Variants in OSBPL2 observed in about 807,000 individuals in gnomAD.
OSBPL2 encodes the protein oxysterol binding protein like 2.
Under a neutral mutation model 58.4 loss-of-function variants are expected in OSBPL2, and 18 were observed. The ratio of observed to expected loss-of-function variants is 0.31; its 90% confidence interval spans 0.21 to 0.46. OSBPL2 has a LOEUF of 0.46. Among genes scored for constraint, OSBPL2 ranks in the 20% least tolerant of loss-of-function variants. OSBPL2 has a pLI of 1.00. For synonymous variants in OSBPL2, 221 were observed against 234.1 expected, an observed-to-expected ratio of 0.94 and a Z score of 0.51; for missense variants, 461 against 616.5, an observed-to-expected ratio of 0.75 and a Z score of 2.67.
At chr20:62,266,545 G>A (rs1245624553) in intron 4 of OSBPL2, among the ~76,000 whole-genome samples, 1 of 151,884 alleles carries the variant, frequency 6.6e-6, no homozygotes, top group African/African-American at 2.4e-5. Flanking sequence ...GCAGTGATTG[G>A]CTGTGGCTCG....
At chr20:62,258,734 A>G (rs1981101764) in intron 2 of OSBPL2, among the ~76,000 whole-genome samples, 1 of 151,286 alleles carries the variant, frequency 6.6e-6, no homozygotes, top group Non-Finnish European at 1.5e-5. Context: ...GCTGCCCGGG[A>G]TGTGCTGCTT....
chr20:62,278,097 T>G (rs1982502825), intron 6 of OSBPL2, among the ~76,000 whole-genome samples: 1 of 152,228 alleles, frequency 6.6e-6, no homozygotes, highest in South Asian at 2.1e-4. Flanking sequence ...GTGGCTCAGG[T>G]GGAGAGCAAG....
At position 62,281,783 on chromosome 20, in the gene OSBPL2, C is replaced by T. The variant is rs776124211; in HGVS notation, c.783-7C>T. Reference sequence around the variant, plus strand: ...GCAGCAGAAACCTGTGTTTGTTTTTCTCACAGAACTGGACATAAGTGTGTG... The same window carrying T: ...GCAGCAGAAACCTGTGTTTGTTTTTTTCACAGAACTGGACATAAGTGTGTG... On this transcript the variant is annotated splice_polypyrimidine_tract_variant and splice_region_variant and intron_variant, in intron 8 of 13. Coordinates refer to ENST00000313733, the MANE Select transcript of OSBPL2 (RefSeq NM_144498.4). 2 of 1,594,090 alleles carry T rather than the reference C, an allele frequency of 1.3e-6. No individual in the cohort carries two copies. The highest frequency in any genetic ancestry group is 1.1e-5 in the South Asian group (1 of 90,632).
At chr20:62,289,981 CAA>C (rs1431335005) in intron 12 of OSBPL2, among the ~76,000 whole-genome samples, 2 of 152,144 alleles carry the variant, frequency 1.3e-5, no homozygotes, top group African/African-American at 4.8e-5. Context: ...TTAAATTAAA[CAA>C]AAGTTAAGAT....
intron 1 of OSBPL2, among the ~76,000 whole-genome samples, chr20:62,239,473 AG>A (rs992246205): frequency 1.3e-5 from 2 of 152,052 alleles, no homozygotes; most frequent in Non-Finnish European, 2.9e-5. Context: ...TCCTGGGGTG[AG>A]GGTCACCTCC....
intron 1 of OSBPL2, among the ~76,000 whole-genome samples, chr20:62,253,702 A>T (rs1980724067): frequency 1.6e-5 from 2 of 122,292 alleles, no homozygotes; most frequent in Admixed American, 1.9e-4. Context: ...GGAGAGAGAG[A>T]GGAGAGAGGG....
chr20:62,289,464 C>G, intron 12 of OSBPL2, 134 bp downstream of exon 12: 1 of 1,070,496 alleles, frequency 9.3e-7, no homozygotes, highest in Non-Finnish European at 1.3e-6. Flanking sequence ...CCTAAACAAA[C>G]AGGCAGGCTG....
At chr20:62,244,594 A>G (rs7262649) in intron 1 of OSBPL2, among the ~76,000 whole-genome samples, 1,752 of 152,332 alleles carry the variant, frequency 0.012, 27 homozygotes, top group African/African-American at 0.041. Flanking sequence ...GCTTGCATTC[A>G]TCTTGTGTGT....
Position 62,288,686 on chromosome 20 carries a change from G to A in OSBPL2, c.1126-521G>A, listed in dbSNP as rs1983299759. The stretch of plus-strand genomic sequence containing the variant: ...ACGCCGAGCAGACAGCTGCGAGCCA[G>A]AAGTCAGGCAGAGCAAGGCTCTGGG... On this transcript the variant is annotated intron_variant, in intron 11 of 13. Transcript: ENST00000313733. The surrounding 1 kb of genome is among the most constrained non-coding windows in gnomAD (Gnocchi z 4.8). 6.6e-6 allele frequency among the ~76,000 whole-genome samples: 1 copy of A among 152,204 alleles called. No individual in the cohort carries two copies. Among genetic ancestry groups the A allele is most frequent in the African/African-American group, 2.4e-5 (1 of 41,446 alleles).
intron 12 of OSBPL2, among the ~76,000 whole-genome samples, chr20:62,290,436 A>G (rs372249750): frequency 0.043 from 748 of 17,512 alleles, 2 homozygotes; most frequent in Non-Finnish European, 0.067. Context: ...TTTTTTTTTG[A>G]GACGGAGTCT....
In OSBPL2 at chr20:62,268,530, CT is replaced by C. The variant is rs1981843518; in HGVS notation, c.259-3592del. On this transcript the variant is annotated intron_variant, in intron 4 of 13. Transcript: ENST00000313733. The stretch of plus-strand genomic sequence containing the variant: ...CCCACTTCTTTACATAAATGAGAGG[CT>C]TTCTCCACCTTTTAAAATTCAATAG... 5.3e-5 allele frequency among the ~76,000 whole-genome samples: 8 copies of C among 152,298 alleles called. No individual in the cohort carries two copies. The South Asian group carries it at 1.7e-3, about 32-fold the overall frequency.
chr20:62,279,055 T>G, intron 6 of OSBPL2, 102 bp from the exon 7 acceptor site: 1 of 994,090 alleles, frequency 1.0e-6, no homozygotes. Context: ...GGAGGGCCCC[T>G]GCTTCCCAGC....
At chr20:62,278,493 T>G (rs1032819548) in intron 6 of OSBPL2, 33 of 151,970 alleles carry the variant, frequency 2.2e-4, no homozygotes, top group African/African-American at 9.9e-4. Flanking sequence ...TTAGGCCAAG[T>G]GCGATGTCAT....
At chr20:62,243,285 G>A (rs896211509) in intron 1 of OSBPL2, among the ~76,000 whole-genome samples, 3 of 152,154 alleles carry the variant, frequency 2.0e-5, no homozygotes, top group Admixed American at 6.5e-5. Flanking sequence ...TGGGAGTCTC[G>A]CTGTAATCAT....
chr20:62,257,386 C>T (rs531450834), intron 2 of OSBPL2, among the ~76,000 whole-genome samples: 4 of 152,314 alleles, frequency 2.6e-5, no homozygotes, highest in Admixed American at 6.5e-5. Context: ...GGGGATGATG[C>T]GCTCCTTACC....
At chr20:62,253,004 C>T (rs1266268943) in intron 1 of OSBPL2, among the ~76,000 whole-genome samples, 1 of 152,288 alleles carries the variant, frequency 6.6e-6, no homozygotes, top group Admixed American at 6.5e-5. Context: ...GGTGGGGACA[C>T]ATCCAGACCA....
Position 62,269,416 on chromosome 20 carries a change from G to T in OSBPL2, c.259-2709G>T, listed in dbSNP as rs964346408. Among the ~76,000 whole-genome samples the T allele has an allele frequency of 6.6e-6, 1 of 152,248 alleles. No homozygotes were observed. Among genetic ancestry groups the T allele is most frequent in the African/African-American group, 2.4e-5 (1 of 41,462 alleles). ...TGGGTCAGGGGCAAATACCCGTAGA[G>T]TTTGCTAGAAGCAGCCCAGTCCCCT... On this transcript the variant is annotated intron_variant, in intron 4 of 13. Coordinates refer to ENST00000313733, the MANE Select transcript of OSBPL2 (RefSeq NM_144498.4). This position sits in a 1 kb window ranked among gnomAD's most constrained non-coding sequence, Gnocchi z 4.2.
chr20:62,272,290 G>T, intron 5 of OSBPL2, 31 bp downstream of exon 5: 1 of 1,607,116 alleles, frequency 6.2e-7, no homozygotes, highest in South Asian at 1.1e-5. Flanking sequence ...GCAGGAGTTT[G>T]TCATGAAAGT....
At chr20:62,251,353 C>T (rs567595017) in intron 1 of OSBPL2, among the ~76,000 whole-genome samples, 27 of 151,424 alleles carry the variant, frequency 1.8e-4, no homozygotes, top group African/African-American at 6.1e-4. Flanking sequence ...CCACCACGCC[C>T]GGACAATTTT....
Sources: gnomAD v4.1 joint callset for allele counts (sites outside exome capture counted in the v4.1 genomes callset) on GRCh38, gnomAD v4.1.1 for gene constraint, Gnocchi (gnomAD v3.1) non-coding constraint, MANE v1.5 for transcripts, NCBI Gene and HGNC (gene_info 2026-07-23, HGNC 2026-07-21) for gene names.